Variants in GTF2F2 observed in about 807,000 individuals in gnomAD.
GTF2F2 encodes general transcription factor IIF subunit 2.
In GTF2F2, 23 loss-of-function variants were observed where a neutral mutation model predicts 42.2. That is an observed-to-expected ratio of 0.55 (90% CI 0.39 to 0.77). The LOEUF is 0.77. Among genes scored for constraint, GTF2F2 ranks in the 30% least tolerant of loss-of-function variants. The pLI is 0.00. For synonymous variants in GTF2F2, 105 were observed against 100.8 expected (o/e 1.04, Z -0.25); for missense variants, 261 against 287.2 (o/e 0.91, Z 0.66).
At chr13:45,194,330 C>G in intron 4 of GTF2F2, 5 of 1,614,120 alleles carry the variant, frequency 3.1e-6, no homozygotes, top group Non-Finnish European at 4.2e-6. Flanking sequence ...CCATCCCTGT[C>G]TATGAAATAA....
intron 4 of GTF2F2, among the ~76,000 whole-genome samples, chr13:45,171,306 T>C (rs545750648): frequency 2.2e-4 from 33 of 152,162 alleles, no homozygotes; most frequent in African/African-American, 7.7e-4. Context: ...CTCGAATTGG[T>C]GATCCGCCCA....
chr13:45,221,530 G>A (rs192264983), intron 5 of GTF2F2, among the ~76,000 whole-genome samples: 5 of 152,312 alleles, frequency 3.3e-5, no homozygotes, highest in Admixed American at 2.0e-4. Context: ...ATCAGTGACA[G>A]TGGAGCATTA....
At chr13:45,194,367 G>T (rs749741665) in intron 4 of GTF2F2, 3 of 1,614,162 alleles carry the variant, frequency 1.9e-6, no homozygotes, top group Non-Finnish European at 2.5e-6. Flanking sequence ...ACGGGCAGAG[G>T]ATTTTTCCAT....
intron 5 of GTF2F2, among the ~76,000 whole-genome samples, chr13:45,246,906 C>T (rs756602717): frequency 7.9e-5 from 12 of 151,992 alleles, no homozygotes; most frequent in Non-Finnish European, 1.6e-4. Flanking sequence ...GGCGTGGTGG[C>T]GGGCGCCTGT....
intron 4 of GTF2F2, among the ~76,000 whole-genome samples, chr13:45,171,866 CT>C (rs35742068): frequency 3.2e-3 from 445 of 140,570 alleles, no homozygotes; most frequent in Middle Eastern, 3.7e-3. Flanking sequence ...CTTTTGTGAC[CT>C]TTTTTTTTTT....
intron 4 of GTF2F2, among the ~76,000 whole-genome samples, chr13:45,165,682 A>C (rs1329744634): frequency 6.6e-6 from 1 of 151,948 alleles, no homozygotes; most frequent in Admixed American, 6.6e-5. Context: ...CTTCCTGTGA[A>C]GATGGCAAAT....
chr13:45,158,971 TAA>T (rs1870902313), intron 4 of GTF2F2, among the ~76,000 whole-genome samples: 1 of 152,240 alleles, frequency 6.6e-6, no homozygotes, highest in Non-Finnish European at 1.5e-5. Context: ...GTGGTTTTCT[TAA>T]GACACTTGAG....
At chr13:45,244,442 A>G (rs909870521) in intron 5 of GTF2F2, among the ~76,000 whole-genome samples, 1 of 152,062 alleles carries the variant, frequency 6.6e-6, no homozygotes, top group African/African-American at 2.4e-5. Flanking sequence ...TAAATGTTTT[A>G]TTTTTGTTAC....
rs372901327 is a variant in GTF2F2, at chr13:45,228,283, C to CTTTTTTTTTTTTTT, written c.386+20781_386+20794dup. Among the ~76,000 whole-genome samples the CTTTTTTTTTTTTTT allele has an allele frequency of 2.6e-3, 240 of 92,652 alleles. 30 individuals are homozygous for CTTTTTTTTTTTTTT. The highest frequency in any genetic ancestry group is 0.011 in the African/African-American group (192 of 17,598). The allele number at this position is 92,652 out of a possible 152,430, so 60.8% of individuals were successfully genotyped here. A position where few individuals can be genotyped will look rare whatever the true frequency, so the allele number is the denominator to read the frequency against. ...TTTCCTTATTGCTGCCAGAGTTAATCTTTTTTTTTTTTTTTTGGAGACGGA... is the reference window on the plus strand; with the variant it reads ...TTTCCTTATTGCTGCCAGAGTTAATCTTTTTTTTTTTTTTTTTTTTTTTTTTTTTTGGAGACGGA... On this transcript the variant is annotated intron_variant, in intron 5 of 7. Coordinates refer to ENST00000340473, the MANE Select transcript of GTF2F2 (RefSeq NM_004128.3).
chr13:45,200,334 A>AT (rs1873114154), intron 4 of GTF2F2, among the ~76,000 whole-genome samples: 1 of 152,098 alleles, frequency 6.6e-6, no homozygotes, highest in Non-Finnish European at 1.5e-5. Context: ...ATTAAATTTT[A>AT]TTTTTTGATA....
At chr13:45,165,103 G>A (rs189173389) in intron 4 of GTF2F2, among the ~76,000 whole-genome samples, 3 of 152,040 alleles carry the variant, frequency 2.0e-5, no homozygotes, top group East Asian at 3.9e-4. Context: ...TTGCTATGAT[G>A]AGCACTTACA....
chr13:45,210,331 A>T (rs1308934921), intron 5 of GTF2F2, among the ~76,000 whole-genome samples: 2 of 152,022 alleles, frequency 1.3e-5, no homozygotes, highest in Non-Finnish European at 2.9e-5. Context: ...GCACACATCC[A>T]CACTGCAGCC....
At chr13:45,257,048 C>T (rs1316728924) in intron 6 of GTF2F2, among the ~76,000 whole-genome samples, 3 of 151,974 alleles carry the variant, frequency 2.0e-5, no homozygotes, top group Admixed American at 6.6e-5. Flanking sequence ...GTTTTTTCAC[C>T]CACCTATGGC....
At chr13:45,149,898 C>A in intron 3 of GTF2F2, 110 bp downstream of exon 3, 2 of 1,048,004 alleles carry the variant, frequency 1.9e-6, no homozygotes, top group Non-Finnish European at 2.6e-6. Context: ...AAGTGCATGG[C>A]TGATGGTTAA....
At chr13:45,200,348 G>A (rs1406130197) in intron 4 of GTF2F2, among the ~76,000 whole-genome samples, 1 of 151,938 alleles carries the variant, frequency 6.6e-6, no homozygotes, top group African/African-American at 2.4e-5. Context: ...TTTGATACAG[G>A]GTCTTGCTCT....
chr13:45,200,379 T>C (rs1001403268), intron 4 of GTF2F2, among the ~76,000 whole-genome samples: 5 of 152,020 alleles, frequency 3.3e-5, no homozygotes, highest in African/African-American at 1.2e-4. Flanking sequence ...CTGGAGTGTA[T>C]TGCAACCTCA....
At chr13:45,179,541 AT>A (rs1043953173) in intron 4 of GTF2F2, among the ~76,000 whole-genome samples, 5 of 152,070 alleles carry the variant, frequency 3.3e-5, no homozygotes, top group African/African-American at 1.2e-4. Context: ...GTCCTTTGGG[AT>A]TTTAATTTTT....
intron 5 of GTF2F2, among the ~76,000 whole-genome samples, chr13:45,221,194 T>A (rs1259955711): frequency 6.6e-6 from 1 of 152,158 alleles, no homozygotes; most frequent in African/African-American, 2.4e-5. Flanking sequence ...ACCCATTTTT[T>A]ACGCAGTTTC....
Position 45,207,421 on chromosome 13 carries a change from A to C in GTF2F2, c.305-3A>C, listed in dbSNP as rs773956563. The C allele has an allele frequency of 3.2e-6, 5 of 1,584,508 alleles. No homozygotes were observed. Among genetic ancestry groups the C allele is most frequent in the East Asian group, 4.5e-5 (2 of 44,722 alleles). On this transcript the variant is annotated splice_polypyrimidine_tract_variant and splice_region_variant and intron_variant, in intron 4 of 7. Coordinates refer to ENST00000340473, the MANE Select transcript of GTF2F2 (RefSeq NM_004128.3). ...TCTGAATCCTTTTTTTTTTCCATTCAAGATAAGCTGTCATTGGAAGGAATA... is the reference window on the plus strand; with the variant it reads ...TCTGAATCCTTTTTTTTTTCCATTCCAGATAAGCTGTCATTGGAAGGAATA...
Sources: allele counts gnomAD v4.1 joint callset (sites outside exome capture counted in the v4.1 genomes callset), GRCh38; gene constraint gnomAD v4.1.1; transcripts MANE v1.5; gene names NCBI Gene and HGNC (gene_info 2026-07-23, HGNC 2026-07-21).